KLHL5: variants seen among roughly 807,000 people sequenced by gnomAD.
KLHL5 encodes the protein kelch-like protein 5.
In KLHL5, 48 loss-of-function variants were observed where a neutral mutation model predicts 77.7. That is an observed-to-expected ratio of 0.62 (90% CI 0.49 to 0.79). The LOEUF is 0.79. Ranked by LOEUF, KLHL5 falls within the 30% of genes least tolerant of loss-of-function variation. The pLI, the probability that KLHL5 is intolerant of heterozygous loss-of-function variation, is 0.00. For synonymous variants in KLHL5, 260 were observed against 297.0 expected (o/e 0.88, Z 1.28); for missense variants, 723 against 859.7 (o/e 0.84, Z 1.99).
At chr4:39,071,015 A>G (rs529245554) in intron 1 of KLHL5, among the ~76,000 whole-genome samples, 11 of 152,282 alleles carry the variant, frequency 7.2e-5, no homozygotes, top group Non-Finnish European at 1.0e-4. Flanking sequence ...GTAATGGTTA[A>G]AAATATATAT....
intron 5 of KLHL5, chr4:39,093,440 T>C (rs1452157090): frequency 2.2e-6 from 1 of 455,848 alleles, no homozygotes; most frequent in Non-Finnish European, 4.4e-6. Context: ...AACTTGGTAA[T>C]TTACTACAAA....
chr4:39,057,749 A>G (rs1717103089), upstream of KLHL5, among the ~76,000 whole-genome samples: 1 of 152,204 alleles, frequency 6.6e-6, no homozygotes, highest in Non-Finnish European at 1.5e-5. Flanking sequence ...TGCAGTGCAT[A>G]TCACACACTT....
Position 39,122,694 on chromosome 4 carries a change from G to A in KLHL5, c.*1628G>A, listed in dbSNP as rs1305300512. On this transcript the variant is annotated 3_prime_UTR_variant, in exon 11 of 11. Transcript: ENST00000504108. ...CAGGCGTGGTGGCGGGTGCCTGTAC[G>A]CCCAGCTACTCGGGAGGCTGAGGCG... is the stretch of plus-strand genomic sequence containing the variant. 2.0e-5 allele frequency among the ~76,000 whole-genome samples: 3 copies of A among 151,746 alleles called. No individual in the cohort carries two copies. The highest frequency in any genetic ancestry group is 4.8e-5 in the African/African-American group (2 of 41,328).
At chr4:39,107,786 T>A in intron 8 of KLHL5, 55 bp downstream of exon 8, 1 of 1,325,060 alleles carries the variant, frequency 7.5e-7, no homozygotes, top group Non-Finnish European at 1.0e-6. Context: ...TTTATTAAGC[T>A]ATATCATTTC....
chr4:39,116,689 G>A (rs1560443029), intron 10 of KLHL5, among the ~76,000 whole-genome samples: 2 of 152,140 alleles, frequency 1.3e-5, no homozygotes, highest in Non-Finnish European at 2.9e-5. Context: ...TGCTTGAGAG[G>A]AGAAGGAGTG....
chr4:39,095,445 C>T (rs1218787373), intron 5 of KLHL5, among the ~76,000 whole-genome samples: 1 of 152,038 alleles, frequency 6.6e-6, no homozygotes, highest in Non-Finnish European at 1.5e-5. Flanking sequence ...TATATGTGCA[C>T]ACACATGCAT....
chr4:39,059,459 G>C (rs2711946), upstream of KLHL5, among the ~76,000 whole-genome samples: 110,579 of 152,074 alleles, frequency 0.73, 40,362 homozygotes, highest in East Asian at 0.82. Context: ...ATTAAAAAGA[G>C]AATATGGCCA....
At chr4:39,076,189 C>A in intron 2 of KLHL5, 42 bp downstream of exon 2, 1 of 1,543,496 alleles carries the variant, frequency 6.5e-7, no homozygotes, top group Non-Finnish European at 8.8e-7. Context: ...AATATTTCCT[C>A]GGTAATTTAG....
intron 1 of KLHL5, among the ~76,000 whole-genome samples, chr4:39,068,436 ACT>A (rs1491391304): frequency 1.4e-5 from 1 of 71,804 alleles, no homozygotes; most frequent in African/African-American, 5.3e-5. Context: ...CCCAGAAAAC[ACT>A]GTGTGTGTGT....
chr4:39,047,891 C>G (rs530205205), intron 1 of KLHL5, among the ~76,000 whole-genome samples: 1 of 152,302 alleles, frequency 6.6e-6, no homozygotes, highest in East Asian at 1.9e-4. Context: ...AGATTTGAAG[C>G]CAGAAAGTCT....
intron 5 of KLHL5, among the ~76,000 whole-genome samples, chr4:39,091,240 C>T (rs1720521094): frequency 6.6e-6 from 1 of 151,796 alleles, no homozygotes; most frequent in Non-Finnish European, 1.5e-5. Context: ...CCACCCACTT[C>T]GGTCTCCCAA....
chr4:39,108,364 G>C (rs945305964), intron 8 of KLHL5, among the ~76,000 whole-genome samples: 20 of 152,034 alleles, frequency 1.3e-4, no homozygotes, highest in Non-Finnish European at 1.5e-4. Flanking sequence ...AAAGTTATTT[G>C]TGGGGTACCT....
intron 7 of KLHL5, among the ~76,000 whole-genome samples, chr4:39,103,953 A>C (rs1577723972): frequency 7.5e-6 from 1 of 132,932 alleles, no homozygotes; most frequent in East Asian, 2.2e-4. Flanking sequence ...ACTGTACTCC[A>C]GCCTGGCAAA....
chr4:39,051,062 T>C (rs1716605513), intron 1 of KLHL5, among the ~76,000 whole-genome samples: 1 of 152,242 alleles, frequency 6.6e-6, no homozygotes, highest in Admixed American at 6.5e-5. Flanking sequence ...TGTAATATAC[T>C]ACCTAGCTCT....
At chr4:39,047,961 A>T (rs1716324583) in intron 1 of KLHL5, among the ~76,000 whole-genome samples, 1 of 152,200 alleles carries the variant, frequency 6.6e-6, no homozygotes, top group Non-Finnish European at 1.5e-5. Context: ...AACCTCCCTG[A>T]ATCTATTTCC....
chr4:39,114,257 G>T (rs1577742734), intron 9 of KLHL5, among the ~76,000 whole-genome samples: 1 of 152,136 alleles, frequency 6.6e-6, no homozygotes, highest in African/African-American at 2.4e-5. Flanking sequence ...AGGGCCTTGT[G>T]CTGTGTGATA....
At chr4:39,061,537 G>A (rs759369098), upstream of KLHL5, among the ~76,000 whole-genome samples, 5 of 152,154 alleles carry the variant, frequency 3.3e-5, no homozygotes, top group Non-Finnish European at 7.4e-5. Flanking sequence ...CTAGTAGATT[G>A]CATTGTTCAC....
chr4:39,141,524 G>A, the KLHL5 span, among the ~76,000 whole-genome samples: 1 of 151,976 alleles, frequency 6.6e-6, no homozygotes, highest in African/African-American at 2.4e-5. Flanking sequence ...TGTTAGCCAG[G>A]ATGGTCTCGA....
Position 39,081,149 on chromosome 4 carries a change from AATG to A in KLHL5, c.617_619del (p.Asp206del), listed in dbSNP as rs758206939. 5 of 1,612,860 alleles carry A rather than the reference AATG, an allele frequency of 3.1e-6. No individual in the cohort carries two copies. In the South Asian group the frequency reaches 5.5e-5, roughly 18 times the overall value. ...AGACTATTTTGCTGCCATGTTTACT[AATG>A]ATGTCAGAGAGGCAAGACAAGAAGA... is the stretch of plus-strand genomic sequence containing the variant. On this transcript the variant is annotated inframe_deletion, in exon 3 of 11. Transcript: ENST00000504108. This position sits in a 1 kb window ranked among gnomAD's most constrained non-coding sequence, Gnocchi z 4.3.
Sources: gnomAD v4.1 joint callset for allele counts (sites outside exome capture counted in the v4.1 genomes callset) on GRCh38, gnomAD v4.1.1 for gene constraint, Gnocchi (gnomAD v3.1) non-coding constraint, MANE v1.5 for transcripts, NCBI Gene and HGNC (gene_info 2026-07-23, HGNC 2026-07-21) for gene names.